RPTOR: variants seen among roughly 807,000 people sequenced by gnomAD.
RPTOR encodes the protein regulatory associated protein of MTOR complex 1.
RPTOR carries 21 observed loss-of-function variants against 169.9 expected under a neutral mutation model. The ratio of observed to expected loss-of-function variants is 0.12; its 90% CI spans 0.09 to 0.18. RPTOR has a LOEUF of 0.18. Ranked by LOEUF, RPTOR falls within the 10% of genes least tolerant of loss-of-function variation. The pLI, the probability that RPTOR is intolerant of heterozygous loss-of-function variation, is 1.00. For synonymous variants in RPTOR, 732 were observed against 753.2 expected (o/e 0.97, Z 0.46); for missense variants, 1,133 against 1,855.9 (o/e 0.61, Z 7.16).
chr17:80,668,047 G>A (rs572821077), intron 3 of RPTOR, among the ~76,000 whole-genome samples: 9 of 152,292 alleles, frequency 5.9e-5, no homozygotes, highest in South Asian at 2.1e-4. Context: ...CAGAGGAAAC[G>A]TCTGGTTTCA....
At chr17:80,832,731 C>G (rs1221476695) in intron 9 of RPTOR, among the ~76,000 whole-genome samples, 1 of 152,142 alleles carries the variant, frequency 6.6e-6, no homozygotes, top group African/African-American at 2.4e-5. Context: ...AAAACAATGC[C>G]CAGAGCTCTC....
At chr17:80,735,683 C>T (rs144928187) in intron 5 of RPTOR, among the ~76,000 whole-genome samples, 28 of 152,150 alleles carry the variant, frequency 1.8e-4, no homozygotes, top group African/African-American at 4.6e-4. Context: ...GTTGGGCAGG[C>T]GGTAAAGATA....
chr17:80,673,471 T>G (rs538063907), intron 3 of RPTOR, among the ~76,000 whole-genome samples: 1 of 152,210 alleles, frequency 6.6e-6, no homozygotes, highest in Non-Finnish European at 1.5e-5. Context: ...ATTTTTCTGC[T>G]CAAGCTTAGG....
In RPTOR at chr17:80,609,773, TTGTGTGTGTGTGTGTGTGTGTGTG is replaced by T. The variant is rs35843489; in HGVS notation, c.163-15906_163-15883del. ...AAAAAAAAAAAGTTTAAGGTGTTGG[TTGTGTGTGTGTGTGTGTGTGTGTG>T]TGTGTGTGTGTTAAGAGAGCCATTG... On this transcript the variant is annotated intron_variant, in intron 1 of 33. Transcript: ENST00000306801. The surrounding 1 kb of genome is among the most constrained non-coding windows in gnomAD (Gnocchi z 4.8). Among the ~76,000 whole-genome samples, 1 of 143,252 alleles carries T rather than the reference TTGTGTGTGTGTGTGTGTGTGTGTG, an allele frequency of 7.0e-6. No individual in the cohort carries two copies. The highest frequency in any genetic ancestry group is 2.6e-5 in the African/African-American group (1 of 38,692). The allele number at this position is 143,252 out of a possible 152,430, so 94.0% of individuals were successfully genotyped here.
At chr17:80,719,302 G>T (rs1313913011) in intron 4 of RPTOR, among the ~76,000 whole-genome samples, 1 of 152,086 alleles carries the variant, frequency 6.6e-6, no homozygotes, top group Non-Finnish European at 1.5e-5. Context: ...AACAGAGATG[G>T]AATTGATATC....
chr17:80,864,304 C>T (rs1406806998), intron 13 of RPTOR, among the ~76,000 whole-genome samples: 1 of 136,090 alleles, frequency 7.3e-6, no homozygotes, highest in Non-Finnish European at 1.6e-5. Flanking sequence ...AGATTTCCTA[C>T]AGATGGAAAA....
Position 80,730,839 on chromosome 17 carries a change from A to T in RPTOR, c.654+133A>T, listed in dbSNP as rs577934386. ...CAGGGCTCAGAATGCCAAGGGCAGG[A>T]TGGCATATTCAATGCTGTTGAGCTA... On this transcript the variant is annotated intron_variant, in intron 5 of 33. Transcript: ENST00000306801. This position sits in a 1 kb window ranked among gnomAD's most constrained non-coding sequence, Gnocchi z 4.2. The T allele has an allele frequency of 5.6e-5, 51 of 908,066 alleles. No homozygotes were observed. The African/African-American group carries it at 8.0e-4, about 14-fold the overall frequency. 56.3% of individuals were successfully genotyped at this position (908,066 alleles called of 1,614,324 possible). A position where few individuals can be genotyped will look rare whatever the true frequency, so the allele number is the denominator to read the frequency against.
intron 3 of RPTOR, among the ~76,000 whole-genome samples, chr17:80,667,612 C>T (rs1401424278): frequency 6.6e-6 from 1 of 152,150 alleles, no homozygotes; most frequent in Non-Finnish European, 1.5e-5. Context: ...AATAGTAAGC[C>T]CTTCGCACCC....
At chr17:80,731,507 C>T (rs944518525) in intron 5 of RPTOR, among the ~76,000 whole-genome samples, 1 of 152,102 alleles carries the variant, frequency 6.6e-6, no homozygotes, top group Non-Finnish European at 1.5e-5. Flanking sequence ...GCCTGTGCAC[C>T]GCTCTGCTAA....
At chr17:80,916,411 C>G (rs2068673908) in intron 21 of RPTOR, among the ~76,000 whole-genome samples, 1 of 152,236 alleles carries the variant, frequency 6.6e-6, no homozygotes, top group African/African-American at 2.4e-5. Context: ...GAGCTGCCCA[C>G]CCCCCTGCAG....
chr17:80,838,634 C>T (rs1203021684), intron 10 of RPTOR, among the ~76,000 whole-genome samples: 2 of 152,218 alleles, frequency 1.3e-5, no homozygotes, highest in African/African-American at 4.8e-5. Flanking sequence ...AGAGGAGCCT[C>T]TCACATCTGT....
At chr17:80,729,166 G>A (rs947501149) in intron 4 of RPTOR, among the ~76,000 whole-genome samples, 6 of 152,312 alleles carry the variant, frequency 3.9e-5, no homozygotes, top group Non-Finnish European at 8.8e-5. Flanking sequence ...CTTCCTGCAC[G>A]CCATACTTCC....
At position 80,823,310 on chromosome 17, in the gene RPTOR, G is replaced by A; in HGVS notation, c.1136+87G>A. Reference sequence around the variant, plus strand: ...ATGGAATTGCACGGAGCTGGGCAGGGAGGCCCCACACCTAACTTGGGGACC... The same window carrying A: ...ATGGAATTGCACGGAGCTGGGCAGGAAGGCCCCACACCTAACTTGGGGACC... On this transcript the variant is annotated intron_variant, in intron 9 of 33. Coordinates refer to ENST00000306801, the MANE Select transcript of RPTOR (RefSeq NM_020761.3). This position sits in a 1 kb window ranked among gnomAD's most constrained non-coding sequence, Gnocchi z 4.5. 3.3e-6 allele frequency: 5 copies of A among 1,527,540 alleles called. No individual in the cohort carries two copies. Among genetic ancestry groups the A allele is most frequent in the Non-Finnish European group, 3.5e-6 (4 of 1,130,710 alleles). The allele number at this position is 1,527,540 out of a possible 1,614,324, so 94.6% of individuals were successfully genotyped here. A position where few individuals can be genotyped will look rare whatever the true frequency, so the allele number is the denominator to read the frequency against.
intron 10 of RPTOR, among the ~76,000 whole-genome samples, chr17:80,838,591 C>G (rs572218018): frequency 1.1e-4 from 17 of 152,340 alleles, no homozygotes; most frequent in African/African-American, 3.8e-4. Context: ...ATAAATAAGA[C>G]GGAGGCCCTG....
chr17:80,602,162 C>T (rs1006321772), intron 1 of RPTOR, among the ~76,000 whole-genome samples: 1 of 68,924 alleles, frequency 1.5e-5, no homozygotes, highest in Non-Finnish European at 3.3e-5. Flanking sequence ...AGGCGCCCCT[C>T]ACCTCCTGGG....
In RPTOR at chr17:80,883,737, A is replaced by G. The variant is rs201281314; in HGVS notation, c.1651-44A>G. The G allele has an allele frequency of 1.2e-5, 20 of 1,604,760 alleles. No homozygotes were observed. The African/African-American group carries it at 1.9e-4, about 15-fold the overall frequency. ...TGCAGGTACCCACCACGTGCCTGCC[A>G]TTGGCAGGCAGAGGCCAACCTGTCT... On this transcript the variant is annotated intron_variant, in intron 15 of 33. Coordinates refer to ENST00000306801, the MANE Select transcript of RPTOR (RefSeq NM_020761.3).
chr17:80,853,960 G>A lies in RPTOR; in HGVS notation c.1315-1504G>A, dbSNP rs576345699. Among the ~76,000 whole-genome samples, 6 of 150,852 alleles carry A rather than the reference G, an allele frequency of 4.0e-5. No homozygotes were observed. In the South Asian group the frequency reaches 6.3e-4, roughly 16 times the overall value. On this transcript the variant is annotated intron_variant, in intron 11 of 33. Transcript: ENST00000306801. ...TGCGCCACTGCACTCCAGCCTGGGC[G>A]ACCGAGTGAGACTCTGTCTCAAAAA...
chr17:80,704,283 G>T (rs899727938), intron 3 of RPTOR, among the ~76,000 whole-genome samples: 1 of 152,204 alleles, frequency 6.6e-6, no homozygotes, highest in South Asian at 2.1e-4. Context: ...TTTGCCCCCA[G>T]AACTGCGCTT....
intron 9 of RPTOR, among the ~76,000 whole-genome samples, chr17:80,826,974 C>A (rs563149793): frequency 6.6e-6 from 1 of 152,210 alleles, no homozygotes; most frequent in African/African-American, 2.4e-5. Context: ...TGGCGACTGA[C>A]GTGAGCATGA....
Sources: gnomAD v4.1 joint callset for allele counts (sites outside exome capture counted in the v4.1 genomes callset) on GRCh38, gnomAD v4.1.1 for gene constraint, Gnocchi (gnomAD v3.1) non-coding constraint, MANE v1.5 for transcripts, NCBI Gene and HGNC (gene_info 2026-07-23, HGNC 2026-07-21) for gene names.